The following CASZ1 variants were observed in gnomAD, a reference collection of about 807,000 sequenced individuals.
CASZ1 encodes the protein castor zinc finger 1, also known as zinc finger protein castor homolog 1.
In CASZ1, 28 loss-of-function variants were observed where a neutral mutation model predicts 135.2. That is an observed-to-expected ratio of 0.21 (90% CI 0.15 to 0.28). CASZ1 has a LOEUF of 0.28. Ranked by LOEUF, CASZ1 falls within the 10% of genes least tolerant of loss-of-function variation. CASZ1 has a pLI of 1.00. For synonymous variants in CASZ1, 1,068 were observed against 1,073.4 expected (o/e 0.99, Z 0.10); for missense variants, 2,161 against 2,453.3 (o/e 0.88, Z 2.52).
At chr1:10,731,084 C>T (rs911491756) in intron 2 of CASZ1, among the ~76,000 whole-genome samples, 9 of 149,478 alleles carry the variant, frequency 6.0e-5, no homozygotes, top group Non-Finnish European at 1.2e-4. Flanking sequence ...CCAGCTTGGG[C>T]GACAGAGCTA....
In CASZ1 at chr1:10,639,350, G is replaced by A. The variant is rs776061033; in HGVS notation, c.4872C>T (p.Ala1624=). 7 of 1,513,260 alleles carry A rather than the reference G, an allele frequency of 4.6e-6. No homozygotes were observed. Among genetic ancestry groups the A allele is most frequent in the Non-Finnish European group, 6.2e-6 (7 of 1,135,318 alleles). The allele number at this position is 1,513,260 out of a possible 1,614,324, so 93.7% of individuals were successfully genotyped here. A position where few individuals can be genotyped will look rare whatever the true frequency, so the allele number is the denominator to read the frequency against. The part of the protein sequence containing the change: ...ISLDGSLSLG[A]EPGSLLFLQS... ...GCAGGAAGAGCAGCGAGCCCGGCTC[G>A]GCGCCCAGCGACAGGGAGCCGTCCA... is the stretch of plus-strand genomic sequence containing the variant. Residue 1624 remains alanine (A), a synonymous_variant, in exon 21 of 21, where the codon GCC becomes GCT. Transcript: ENST00000377022. The surrounding 1 kb of genome is among the most constrained non-coding windows in gnomAD (Gnocchi z 4.0).
chr1:10,746,442 T>C (rs1217924113), intron 2 of CASZ1, among the ~76,000 whole-genome samples: 1 of 151,700 alleles, frequency 6.6e-6, no homozygotes, highest in East Asian at 1.9e-4. Flanking sequence ...CAGGAAAAAA[T>C]AGTGGCAAAA....
rs1322991455 is a variant in CASZ1, at chr1:10,679,256, C to T, written c.17-13685G>A. On this transcript the variant is annotated intron_variant, in intron 4 of 20. Coordinates refer to ENST00000377022, the MANE Select transcript of CASZ1 (RefSeq NM_001079843.3). The surrounding 1 kb of genome is among the most constrained non-coding windows in gnomAD (Gnocchi z 4.7). ...CCTGCCAAAGGGCCCCTGCTGCCTC[C>T]AGGACAGAGCCTAGTCCCAAACCTG... is the stretch of plus-strand genomic sequence containing the variant. Among the ~76,000 whole-genome samples, 3 of 152,208 alleles carry T rather than the reference C, an allele frequency of 2.0e-5. No homozygotes were observed. Among genetic ancestry groups the T allele is most frequent in the Non-Finnish European group, 4.4e-5 (3 of 68,028 alleles).
chr1:10,789,984 G>A (rs977300688), intron 1 of CASZ1, among the ~76,000 whole-genome samples: 4 of 152,086 alleles, frequency 2.6e-5, no homozygotes, highest in African/African-American at 4.8e-5. Context: ...AAGGGGGCCC[G>A]AGGTGGGGGT....
In CASZ1 at chr1:10,719,169, C is replaced by T. The variant is rs1202554712; in HGVS notation, c.-76-13625G>A. Among the ~76,000 whole-genome samples the T allele has an allele frequency of 6.6e-6, 1 of 152,212 alleles. No individual in the cohort carries two copies. On this transcript the variant is annotated intron_variant, in intron 2 of 20. Coordinates refer to ENST00000377022, the MANE Select transcript of CASZ1 (RefSeq NM_001079843.3). This position sits in a 1 kb window ranked among gnomAD's most constrained non-coding sequence, Gnocchi z 4.0. ...CTGACCTCAAGCAATCTGCCCGCTT[C>T]CGGCTCCCTAAGTGCTGGGATTACA...
rs1639408910 is a variant in CASZ1, at chr1:10,717,110, G to A, written c.-76-11566C>T. On this transcript the variant is annotated intron_variant, in intron 2 of 20. Coordinates refer to ENST00000377022, the MANE Select transcript of CASZ1 (RefSeq NM_001079843.3). This position sits in a 1 kb window ranked among gnomAD's most constrained non-coding sequence, Gnocchi z 4.6. ...AGCAGGAGGGACAGACGGCCAGCGA[G>A]GACACTGGGGAGGGCGTGTCTCCTT... is the stretch of plus-strand genomic sequence containing the variant. Among the ~76,000 whole-genome samples, 1 of 152,200 alleles carries A rather than the reference G, an allele frequency of 6.6e-6. No individual in the cohort carries two copies. Among genetic ancestry groups the A allele is most frequent in the South Asian group, 2.1e-4 (1 of 4,834 alleles).
Position 10,755,645 on chromosome 1 carries a change from G to T in CASZ1, c.-77+5056C>A, listed in dbSNP as rs205485. Among the ~76,000 whole-genome samples, 35,234 of 152,086 alleles carry T rather than the reference G, an allele frequency of 0.23. 5,686 individuals are homozygous for T. The highest frequency in any genetic ancestry group is 0.45 in the African/African-American group (18,843 of 41,448). ...CCTGCATCTGCTCCGAAGGCAGGGG[G>T]TGTGGGGAGAACGGAGGAAGGAGGC... On this transcript the variant is annotated intron_variant, in intron 2 of 20. Coordinates refer to ENST00000377022, the MANE Select transcript of CASZ1 (RefSeq NM_001079843.3). This position sits in a 1 kb window ranked among gnomAD's most constrained non-coding sequence, Gnocchi z 4.3.
intron 2 of CASZ1, among the ~76,000 whole-genome samples, chr1:10,753,820 G>A (rs1379367157): frequency 1.3e-5 from 2 of 152,180 alleles, no homozygotes; most frequent in Non-Finnish European, 2.9e-5. Flanking sequence ...TCGGTGACAG[G>A]TGGGTCTTGT....
chr1:10,656,134 G>A (rs1366427837), intron 8 of CASZ1, among the ~76,000 whole-genome samples: 1 of 152,220 alleles, frequency 6.6e-6, no homozygotes, highest in Non-Finnish European at 1.5e-5. Flanking sequence ...ATCCCGCCCA[G>A]TGCACCTCTG....
In CASZ1 at chr1:10,719,590, C is replaced by T. The variant is rs1357516191; in HGVS notation, c.-76-14046G>A. On this transcript the variant is annotated intron_variant, in intron 2 of 20. Coordinates refer to ENST00000377022, the MANE Select transcript of CASZ1 (RefSeq NM_001079843.3). The surrounding 1 kb of genome is among the most constrained non-coding windows in gnomAD (Gnocchi z 4.0). ...ACCTGGAGCACGAGGAGAGGCTGGC[C>T]ACCTGTAGGGCATGGGGAACGGGGG... Among the ~76,000 whole-genome samples, 2 of 152,182 alleles carry T rather than the reference C, an allele frequency of 1.3e-5. No homozygotes were observed.
chr1:10,679,329 G>A lies in CASZ1; in HGVS notation c.17-13758C>T, dbSNP rs560861874. On this transcript the variant is annotated intron_variant, in intron 4 of 20. Transcript: ENST00000377022. The surrounding 1 kb of genome is among the most constrained non-coding windows in gnomAD (Gnocchi z 4.7). ...ATCTGCACCACATGCCCCAGGAAGC[G>A]GTCCCTCTCCCAGCAGGCGGAAACA... Among the ~76,000 whole-genome samples the A allele has an allele frequency of 3.9e-5, 6 of 152,290 alleles. No individual in the cohort carries two copies. In the East Asian group the frequency reaches 7.7e-4, roughly 20 times the overall value.
chr1:10,753,957 C>G (rs12032131), intron 2 of CASZ1, among the ~76,000 whole-genome samples: 2 of 152,112 alleles, frequency 1.3e-5, no homozygotes, highest in African/African-American at 4.8e-5. Flanking sequence ...GATCTGAGGG[C>G]CCCCCACCCT....
intron 3 of CASZ1, among the ~76,000 whole-genome samples, chr1:10,703,874 G>GTTCCAA (rs1308032396): frequency 1.3e-5 from 2 of 152,338 alleles, no homozygotes; most frequent in East Asian, 3.9e-4. Context: ...GCATGGCTGT[G>GTTCCAA]TTCCAATAAA....
At position 10,647,641 on chromosome 1, in the gene CASZ1, A is replaced by G; in HGVS notation, c.3497+160T>C. ...CAGGCAGTGAGGTAGGAGCAGCAGCATCTTTGGCTAGAAGGACATCACCCG... is the reference window on the plus strand; with the variant it reads ...CAGGCAGTGAGGTAGGAGCAGCAGCGTCTTTGGCTAGAAGGACATCACCCG... On this transcript the variant is annotated intron_variant, in intron 16 of 20. Coordinates refer to ENST00000377022, the MANE Select transcript of CASZ1 (RefSeq NM_001079843.3). This position sits in a 1 kb window ranked among gnomAD's most constrained non-coding sequence, Gnocchi z 4.9. 6.8e-7 allele frequency: 1 copy of G among 1,466,946 alleles called. No individual in the cohort carries two copies. Among genetic ancestry groups the G allele is most frequent in the Non-Finnish European group, 9.0e-7 (1 of 1,112,564 alleles). 90.9% of individuals were successfully genotyped at this position (1,466,946 alleles called of 1,614,324 possible).
At chr1:10,758,697 A>G (rs575262242) in intron 2 of CASZ1, among the ~76,000 whole-genome samples, 170 of 152,118 alleles carry the variant, frequency 1.1e-3, no homozygotes, top group African/African-American at 4.0e-3. Flanking sequence ...AGGTGGGGGG[A>G]ATCTGAGCCA....
At chr1:10,658,726 C>T (rs1472709930) in intron 6 of CASZ1, 150 bp from the exon 7 acceptor site, 2 of 678,264 alleles carry the variant, frequency 2.9e-6, no homozygotes, top group Non-Finnish European at 5.2e-6. Flanking sequence ...CTGAGGACAT[C>T]CCTGGCAGAA....
Position 10,638,918 on chromosome 1 carries a change from C to T in CASZ1, c.*24G>A, listed in dbSNP as rs1340986549. The T allele has an allele frequency of 4.1e-6, 4 of 967,862 alleles. No homozygotes were observed. Among genetic ancestry groups the T allele is most frequent in the Non-Finnish European group, 3.7e-6 (3 of 819,866 alleles). 60.0% of individuals were successfully genotyped at this position (967,862 alleles called of 1,614,324 possible). A position where few individuals can be genotyped will look rare whatever the true frequency, so the allele number is the denominator to read the frequency against. On this transcript the variant is annotated 3_prime_UTR_variant, in exon 21 of 21. Transcript: ENST00000377022. This position sits in a 1 kb window ranked among gnomAD's most constrained non-coding sequence, Gnocchi z 5.9. Reference sequence around the variant, plus strand: ...CTCCCGAGGCCGAGGCCGAGGCCGCCGCCAGGGCCACCCGCGGGCGCCGCT... The same window carrying T: ...CTCCCGAGGCCGAGGCCGAGGCCGCTGCCAGGGCCACCCGCGGGCGCCGCT...
rs183971357 is a variant in CASZ1 at position 10,740,793 on chromosome 1, A to G, written c.-77+19908T>C. 5.9e-3 allele frequency among the ~76,000 whole-genome samples: 904 copies of G among 152,072 alleles called. 12 individuals carry two copies. The highest frequency in any genetic ancestry group is 0.021 in the African/African-American group (857 of 41,468). On this transcript the variant is annotated intron_variant, in intron 2 of 20. Transcript: ENST00000377022. ...GTGAGACCCTGTGTCTCCACAAAAA[A>G]AATTTTTTTTTAAAATTAGCTGGTT... is the stretch of plus-strand genomic sequence containing the variant.
rs555208062 is a variant in CASZ1 at position 10,743,262 on chromosome 1, A to G, written c.-77+17439T>C. ...TCAGGGTCCAGTTAGCTGTCCCTTG[A>G]GGCCCAAGAGGCCAAGGGAGACATT... On this transcript the variant is annotated intron_variant, in intron 2 of 20. Transcript: ENST00000377022. 4.6e-5 allele frequency among the ~76,000 whole-genome samples: 7 copies of G among 152,162 alleles called. No homozygotes were observed. In the South Asian group the frequency reaches 1.0e-3, roughly 23 times the overall value.
Sources: gnomAD v4.1 joint callset for allele counts (sites outside exome capture counted in the v4.1 genomes callset) on GRCh38, gnomAD v4.1.1 for gene constraint, Gnocchi (gnomAD v3.1) non-coding constraint, MANE v1.5 for transcripts, NCBI Gene and HGNC (gene_info 2026-07-23, HGNC 2026-07-21) for gene names.